The following KSR2 variants were observed in gnomAD, a reference collection of about 807,000 sequenced individuals.
KSR2 encodes kinase suppressor of ras 2.
A neutral mutation model predicts 107.8 loss-of-function variants in KSR2; 25 were observed. The ratio of observed to expected loss-of-function variants is 0.23; its 90% CI spans 0.17 to 0.32. The LOEUF (loss-of-function observed/expected upper bound fraction) is 0.32, where lower values mean the gene tolerates loss of function less well. Ranked by LOEUF, KSR2 falls within the 10% of genes least tolerant of loss-of-function variation. The pLI is 1.00. For synonymous variants in KSR2, 480 were observed against 507.0 expected (o/e 0.95, Z 0.71); for missense variants, 887 against 1,268.9 (o/e 0.70, Z 4.57).
intron 1 of KSR2, among the ~76,000 whole-genome samples, chr12:117,887,603 C>T (rs529857441): frequency 6.6e-6 from 1 of 152,216 alleles, no homozygotes; most frequent in African/African-American, 2.4e-5. Flanking sequence ...AAACCCTCCC[C>T]AAAGTGGCTT....
chr12:117,622,791 G>A (rs1267248068), intron 5 of KSR2, among the ~76,000 whole-genome samples: 1 of 152,174 alleles, frequency 6.6e-6, no homozygotes, highest in Non-Finnish European at 1.5e-5. Flanking sequence ...CATCCAAGCT[G>A]TTACACACTC....
chr12:117,514,786 G>C (rs1406188166), intron 14 of KSR2, among the ~76,000 whole-genome samples: 2 of 152,010 alleles, frequency 1.3e-5, no homozygotes, highest in East Asian at 1.9e-4. Context: ...GGGCTCAAGA[G>C]ATCTTCCCAC....
At chr12:117,637,681 T>TTTTTTTTTTG (rs1565938412) in intron 5 of KSR2, among the ~76,000 whole-genome samples, 1 of 125,094 alleles carries the variant, frequency 8.0e-6, no homozygotes, top group African/African-American at 3.3e-5. Context: ...TTGGGTTTTT[T>TTTTTTTTTTG]TTTTTTTTTT....
chr12:117,676,844 G>C (rs1885142521), intron 4 of KSR2, among the ~76,000 whole-genome samples: 1 of 152,172 alleles, frequency 6.6e-6, no homozygotes, highest in Non-Finnish European at 1.5e-5. Flanking sequence ...AAAGACCTTT[G>C]TAAGAATGTT....
intron 5 of KSR2, among the ~76,000 whole-genome samples, chr12:117,655,502 C>A (rs10850881): frequency 0.13 from 19,407 of 152,146 alleles, 1,618 homozygotes; most frequent in African/African-American, 0.24. Context: ...ATATGGTACT[C>A]TTTCTCCCAT....
chr12:117,706,971 G>A (rs1328976489), intron 4 of KSR2, among the ~76,000 whole-genome samples: 1 of 152,142 alleles, frequency 6.6e-6, no homozygotes, highest in Admixed American at 6.5e-5. Context: ...CATCAACTGA[G>A]GACTGGATAA....
intron 1 of KSR2, among the ~76,000 whole-genome samples, chr12:117,893,637 C>A (rs1041442696): frequency 2.6e-5 from 4 of 152,156 alleles, no homozygotes; most frequent in East Asian, 1.9e-4. Context: ...TCCAAATGAA[C>A]TGTTGTGAGA....
chr12:117,914,426 CAAAA>C (rs34534591), intron 1 of KSR2, among the ~76,000 whole-genome samples: 4 of 106,346 alleles, frequency 3.8e-5, no homozygotes, highest in Non-Finnish European at 4.1e-5. Flanking sequence ...GAGACTGTCT[CAAAA>C]AAAAAAAAAA....
chr12:117,603,467 T>C (rs1477853096), intron 5 of KSR2, among the ~76,000 whole-genome samples: 1 of 152,230 alleles, frequency 6.6e-6, no homozygotes, highest in East Asian at 1.9e-4. Flanking sequence ...TCAGAGTTGA[T>C]GAGTGCCTGC....
At chr12:117,720,405 A>G (rs1037129) in intron 4 of KSR2, among the ~76,000 whole-genome samples, 67,335 of 152,104 alleles carry the variant, frequency 0.44, 15,717 homozygotes, top group African/African-American at 0.59. Context: ...ATAATATTAG[A>G]GTGTTCACCA....
At chr12:117,951,301 T>A (rs954068420) in intron 1 of KSR2, among the ~76,000 whole-genome samples, 4 of 152,040 alleles carry the variant, frequency 2.6e-5, no homozygotes, top group African/African-American at 9.7e-5. Flanking sequence ...TCTTGTTGAG[T>A]TTATCACAAA....
At chr12:117,485,297 C>T (rs1872401331) in intron 15 of KSR2, among the ~76,000 whole-genome samples, 1 of 152,140 alleles carries the variant, frequency 6.6e-6, no homozygotes, top group South Asian at 2.1e-4. Flanking sequence ...GGATCCTAAC[C>T]AAGAGGGCTG....
At chr12:117,659,281 G>A (rs968790493) in intron 5 of KSR2, among the ~76,000 whole-genome samples, 2 of 152,098 alleles carry the variant, frequency 1.3e-5, no homozygotes, top group Non-Finnish European at 2.9e-5. Context: ...CATAACAAAA[G>A]GGCTGAGGTT....
chr12:117,866,548 G>C (rs1041376867), intron 1 of KSR2, among the ~76,000 whole-genome samples: 3 of 151,972 alleles, frequency 2.0e-5, no homozygotes, highest in South Asian at 2.1e-4. Flanking sequence ...GAGTTGATTC[G>C]GCCGGACACA....
intron 5 of KSR2, among the ~76,000 whole-genome samples, chr12:117,615,965 C>A (rs1490492739): frequency 6.6e-6 from 1 of 152,018 alleles, no homozygotes; most frequent in African/African-American, 2.4e-5. Context: ...CCACCCTGGG[C>A]AATATGGTGA....
intron 3 of KSR2, among the ~76,000 whole-genome samples, chr12:117,811,106 G>A (rs1449402275): frequency 1.3e-5 from 2 of 152,036 alleles, no homozygotes; most frequent in South Asian, 2.1e-4. Context: ...CAGAAGGCCC[G>A]TACTTGGAGG....
chr12:117,479,056 C>T (rs891081592), intron 16 of KSR2, among the ~76,000 whole-genome samples: 1 of 152,146 alleles, frequency 6.6e-6, no homozygotes, highest in Non-Finnish European at 1.5e-5. Context: ...GTTTGGGGCT[C>T]AGGGTTCCAG....
intron 4 of KSR2, among the ~76,000 whole-genome samples, chr12:117,750,221 G>C (rs563034194): frequency 5.6e-5 from 8 of 141,886 alleles, no homozygotes; most frequent in African/African-American, 2.1e-4. Flanking sequence ...CTGCACTCCA[G>C]CCTGGGTGAC....
intron 1 of KSR2, among the ~76,000 whole-genome samples, chr12:117,896,919 C>T (rs1378574536): frequency 1.3e-5 from 2 of 152,102 alleles, no homozygotes; most frequent in Admixed American, 6.5e-5. Context: ...GGTAGGCAGT[C>T]GTCACCCTCC....
Sources: gnomAD v4.1 joint callset for allele counts (sites outside exome capture counted in the v4.1 genomes callset) on GRCh38, gnomAD v4.1.1 for gene constraint, MANE v1.5 for transcripts, NCBI Gene and HGNC (gene_info 2026-07-23, HGNC 2026-07-21) for gene names.